Variants in KCNH1 observed in about 807,000 individuals in gnomAD.
KCNH1 encodes the protein voltage-gated delayed rectifier potassium channel KCNH1.
A neutral mutation model predicts 69.2 loss-of-function variants in KCNH1; 27 were observed. That is an observed-to-expected ratio of 0.39 (90% CI 0.29 to 0.54). The LOEUF is 0.54. Among genes scored for constraint, KCNH1 ranks in the 20% least tolerant of loss-of-function variants. KCNH1 has a pLI of 0.68. For synonymous variants in KCNH1, 456 were observed against 487.7 expected (o/e 0.93, Z 0.86); for missense variants, 798 against 1,261.6 (o/e 0.63, Z 5.57).
chr1:210,685,762 G>GGCCC (rs1681395929), intron 10 of KCNH1, among the ~76,000 whole-genome samples: 1 of 152,130 alleles, frequency 6.6e-6, no homozygotes, highest in Admixed American at 6.6e-5. Context: ...TCCTCCAAGA[G>GGCCC]GCCCTGCCCC....
intron 6 of KCNH1, among the ~76,000 whole-genome samples, chr1:210,934,988 T>A (rs758772639): frequency 4.0e-5 from 6 of 151,888 alleles, no homozygotes; most frequent in African/African-American, 1.5e-4. Flanking sequence ...CAATGCTGGG[T>A]TATGCCCAAA....
In KCNH1 at chr1:210,781,242, C is replaced by T. The variant is rs889477298; in HGVS notation, c.1916-5698G>A. The stretch of plus-strand genomic sequence containing the variant: ...CACTCTGTACACTGAGAGTGAGAAA[C>T]ATCAGCTTGTTGAGTGAGTAGCTGT... On this transcript the variant is annotated intron_variant, in intron 9 of 10. Transcript: ENST00000271751. 3.3e-5 allele frequency among the ~76,000 whole-genome samples: 5 copies of T among 152,118 alleles called. No individual in the cohort carries two copies. In the South Asian group the frequency reaches 6.2e-4, roughly 19 times the overall value.
chr1:210,753,979 A>C lies in KCNH1; in HGVS notation c.2112+21369T>G, dbSNP rs925017487. Among the ~76,000 whole-genome samples, 23 of 146,826 alleles carry C rather than the reference A, an allele frequency of 1.6e-4. 1 individual carries two copies. Among genetic ancestry groups the C allele is most frequent in the Non-Finnish European group, 3.1e-4 (21 of 67,254 alleles). ...GCCCAGGCTGGACTGCAGCGGCGCT[A>C]TCTTGGCTCACTGCAAGCCCCGCCT... On this transcript the variant is annotated intron_variant, in intron 10 of 10. Coordinates refer to ENST00000271751, the MANE Select transcript of KCNH1 (RefSeq NM_172362.3).
chr1:210,924,047 A>G (rs1409380027), intron 6 of KCNH1, among the ~76,000 whole-genome samples: 1 of 152,220 alleles, frequency 6.6e-6, no homozygotes, highest in East Asian at 1.9e-4. Flanking sequence ...CAGGGACTGG[A>G]GTGATACAAA....
intron 4 of KCNH1, among the ~76,000 whole-genome samples, chr1:211,083,892 G>A (rs988580255): frequency 4.6e-5 from 7 of 152,146 alleles, no homozygotes; most frequent in Non-Finnish European, 1.0e-4. Context: ...GGACAGTGGA[G>A]TTAAACAGAA....
chr1:211,056,133 G>A (rs1359227491), intron 5 of KCNH1, among the ~76,000 whole-genome samples: 1 of 152,202 alleles, frequency 6.6e-6, no homozygotes, highest in African/African-American at 2.4e-5. Context: ...CCCGATTCAT[G>A]GCTTTGGCCC....
chr1:210,759,156 GACAC>G (rs60773247), intron 10 of KCNH1, among the ~76,000 whole-genome samples: 8 of 148,484 alleles, frequency 5.4e-5, no homozygotes. Flanking sequence ...CCAAATGATA[GACAC>G]ACACACACAC....
At chr1:210,917,229 G>C (rs4477347) in intron 7 of KCNH1, among the ~76,000 whole-genome samples, 2,107 of 78,820 alleles carry the variant, frequency 0.027, 83 homozygotes, top group African/African-American at 0.1. Flanking sequence ...GAGAGAGAGA[G>C]AGAAAGAAAG....
chr1:210,754,645 A>G (rs1406714739), intron 10 of KCNH1, among the ~76,000 whole-genome samples: 1 of 152,004 alleles, frequency 6.6e-6, no homozygotes, highest in East Asian at 1.9e-4. Context: ...TTACCGTGTG[A>G]CGTGCCTGCT....
chr1:210,835,635 G>A (rs189544602), intron 7 of KCNH1, among the ~76,000 whole-genome samples: 19 of 152,240 alleles, frequency 1.2e-4, no homozygotes, highest in South Asian at 2.1e-4. Flanking sequence ...CTAAGTGCCT[G>A]TGAAAACCTA....
At chr1:211,104,233 G>C (rs1691314470) in intron 2 of KCNH1, among the ~76,000 whole-genome samples, 5 of 152,176 alleles carry the variant, frequency 3.3e-5, no homozygotes, top group Admixed American at 3.3e-4. Context: ...TCTTCATCTT[G>C]AAAGCAATGG....
intron 10 of KCNH1, among the ~76,000 whole-genome samples, chr1:210,749,395 A>T (rs1208429748): frequency 6.6e-6 from 1 of 152,132 alleles, no homozygotes; most frequent in Admixed American, 6.5e-5. Flanking sequence ...TATGGGGGAA[A>T]CCTAACAGCA....
chr1:210,695,997 G>C (rs1481150481), intron 10 of KCNH1, among the ~76,000 whole-genome samples: 1 of 152,222 alleles, frequency 6.6e-6, no homozygotes, highest in Non-Finnish European at 1.5e-5. Flanking sequence ...TATGGCTCCA[G>C]CAGCAGTGGT....
At chr1:211,126,725 A>T (rs796582770) in intron 1 of KCNH1, among the ~76,000 whole-genome samples, 70 of 151,486 alleles carry the variant, frequency 4.6e-4, no homozygotes, top group African/African-American at 1.6e-3. Context: ...TTGCCTAGAG[A>T]ACAGCCAGAG....
At chr1:210,858,961 T>G (rs2102477928) in intron 7 of KCNH1, 5 of 384,600 alleles carry the variant, frequency 1.3e-5, no homozygotes, top group Non-Finnish European at 2.4e-5. Context: ...GTACCTCCAA[T>G]CCCCCCCACC....
At chr1:210,802,603 T>C (rs562399812) in intron 8 of KCNH1, among the ~76,000 whole-genome samples, 6 of 152,360 alleles carry the variant, frequency 3.9e-5, no homozygotes, top group African/African-American at 1.4e-4. Context: ...GCCCACTGTA[T>C]GTTTTCTCTA....
chr1:211,045,810 T>G (rs1690086438), intron 5 of KCNH1, among the ~76,000 whole-genome samples: 1 of 152,224 alleles, frequency 6.6e-6, no homozygotes. Flanking sequence ...TAAGTGAAAC[T>G]TTGTGCCCTT....
Position 210,975,642 on chromosome 1 carries a change from A to G in KCNH1, c.1032+43141T>C, listed in dbSNP as rs6540639. The stretch of plus-strand genomic sequence containing the variant: ...TTATATGTTAGACCTAAAGCCATAA[A>G]AACTCTAGAAGAAAACCTAGGCAAC... On this transcript the variant is annotated intron_variant, in intron 6 of 10. Coordinates refer to ENST00000271751, the MANE Select transcript of KCNH1 (RefSeq NM_172362.3). 3.4e-3 allele frequency among the ~76,000 whole-genome samples: 511 copies of G among 152,340 alleles called. 1 individual carries two copies. Among genetic ancestry groups the G allele is most frequent in the African/African-American group, 0.012 (484 of 41,584 alleles).
intron 5 of KCNH1, among the ~76,000 whole-genome samples, chr1:211,067,892 CCT>C (rs1690560615): frequency 6.6e-6 from 1 of 152,222 alleles, no homozygotes; most frequent in African/African-American, 2.4e-5. Context: ...CTACCCTATG[CCT>C]CTGTTTCCTC....
Sources: allele counts gnomAD v4.1 joint callset (sites outside exome capture counted in the v4.1 genomes callset), GRCh38; gene constraint gnomAD v4.1.1; transcripts MANE v1.5; gene names NCBI Gene and HGNC (gene_info 2026-07-23, HGNC 2026-07-21).